Variants in CYFIP1 observed in about 807,000 individuals in gnomAD.
The protein encoded by CYFIP1 is cytoplasmic FMR1 interacting protein 1.
Under a neutral mutation model 163.5 loss-of-function variants are expected in CYFIP1, and 58 were observed. That is an observed-to-expected ratio of 0.35 (90% CI 0.29 to 0.44). The LOEUF (loss-of-function observed/expected upper bound fraction) is 0.44, where lower values mean the gene tolerates loss of function less well. Ranked by LOEUF, CYFIP1 falls within the 20% of genes least tolerant of loss-of-function variation. CYFIP1 has a pLI of 1.00. For synonymous variants in CYFIP1, 663 were observed against 660.7 expected (o/e 1.00, Z -0.05); for missense variants, 1,338 against 1,653.8 (o/e 0.81, Z 3.31).
chr15:22,903,780 C>T lies in CYFIP1; in HGVS notation c.2514G>A (p.Arg838=). 1 of 1,614,180 alleles carries T rather than the reference C, an allele frequency of 6.2e-7. No homozygotes were observed. Residue 838 remains arginine, a synonymous_variant, in exon 22 of 31, where the codon AGG becomes AGA. Coordinates refer to ENST00000617928, the MANE Select transcript of CYFIP1 (RefSeq NM_014608.6). ...ANHNVSAPYG[R]ITLHVFWELN... is the part of the protein sequence containing the mutation. ...GCTCCCAGAAGACGTGCAGGGTGAT[C>T]CTCCCGTAGGGCGCTGACACGTTGT...
At position 22,914,778 on chromosome 15, in the gene CYFIP1, G is replaced by A. The variant is rs2060911923; in HGVS notation, c.1933C>T (p.Pro645Ser). ...RIQFPIEMSMPWILTDHILET... is the reference protein window; with the variant it reads ...RIQFPIEMSMSWILTDHILET... ...AGGATGTGGTCCGTCAGGATCCAGG[G>A]CATCGACATCTCAATGGGGAACTGG... is the stretch of plus-strand genomic sequence containing the variant. The change falls in exon 17 of 31, where the codon CCC becomes TCC. Residue 645 changes from proline (P) to serine (S), a missense_variant. This residue lies in a region of CYFIP1 where 824 missense variants were observed against 995.7 expected (regional missense o/e 0.83). Transcript: ENST00000617928. 6.2e-7 allele frequency: 1 copy of A among 1,613,954 alleles called. No homozygotes were observed. The highest frequency in any genetic ancestry group is 1.3e-5 in the African/African-American group (1 of 75,002).
rs568190419 is a variant in CYFIP1, at chr15:22,897,181, C to G, written c.2589-4204G>C. Among the ~76,000 whole-genome samples the G allele has an allele frequency of 9.2e-5, 14 of 152,268 alleles. No individual in the cohort carries two copies. The East Asian group carries it at 1.9e-3, about 21-fold the overall frequency. On this transcript the variant is annotated intron_variant, in intron 22 of 30. Transcript: ENST00000617928. ...TGAGCCGAGATCACACTGTTACACTCTAGCCTGGGCAACAAGAGCAAAACT... is the reference window on the plus strand; with the variant it reads ...TGAGCCGAGATCACACTGTTACACTGTAGCCTGGGCAACAAGAGCAAAACT...
Position 22,926,007 on chromosome 15 carries a change from C to T in CYFIP1, c.1334G>A (p.Ser445Asn). ...YERATRYNYT[S>N]EEKFALVEVI... The stretch of plus-strand genomic sequence containing the variant: ...CTCCACTAGGGCAAACTTCTCCTCG[C>T]TGGTGTAGTTGTAGCGCGTGGCACG... Residue 445 changes from serine (S) to asparagine (N), a missense_variant, in exon 13 of 31, where the codon AGC becomes AAC. By Grantham distance (46) the Ser-to-Asn change is conservative (BLOSUM62 1). Transcript: ENST00000617928. 1.2e-6 allele frequency: 2 copies of T among 1,614,044 alleles called. No homozygotes were observed. Among genetic ancestry groups the T allele is most frequent in the Non-Finnish European group, 1.7e-6 (2 of 1,179,930 alleles).
At chr15:22,936,651 T>C (rs2142263674) in intron 9 of CYFIP1, among the ~76,000 whole-genome samples, 1 of 152,234 alleles carries the variant, frequency 6.6e-6, no homozygotes, top group Non-Finnish European at 1.5e-5. Flanking sequence ...CTCTCCTGGG[T>C]ATGCACCCAA....
upstream of CYFIP1, among the ~76,000 whole-genome samples, chr15:22,980,850 G>A (rs28679377): frequency 2.0e-5 from 3 of 151,716 alleles, no homozygotes; most frequent in Non-Finnish European, 4.4e-5. Flanking sequence ...TCGGCGCGCA[G>A]AGCCCGCTGG....
chr15:22,930,404 A>C (rs1372552525), intron 11 of CYFIP1, among the ~76,000 whole-genome samples: 1 of 151,642 alleles, frequency 6.6e-6, no homozygotes, highest in African/African-American at 2.4e-5. Flanking sequence ...AAAAAAAAAA[A>C]AAAAAAAACT....
In CYFIP1 at chr15:22,933,877, G is replaced by A. The variant is rs2061616991; in HGVS notation, c.917C>T (p.Pro306Leu). 6 of 1,610,524 alleles carry A rather than the reference G, an allele frequency of 3.7e-6. No homozygotes were observed. Among genetic ancestry groups the A allele is most frequent in the Non-Finnish European group, 5.1e-6 (6 of 1,178,160 alleles). Residue 306 changes from proline (P) to leucine (L), a missense_variant, in exon 10 of 31, where the codon CCG becomes CTG. Physicochemically the swap from Pro to Leu is moderately conservative, Grantham distance 98 (BLOSUM62 -3). Transcript: ENST00000617928. ...TTCTATTTGCATGTCCCCAAATAGC[G>A]GAACCACCTGGAGTTGCTGTATTCA... ...DKYFKQLQVVPLFGDMQIELA... is the reference protein window; with the variant it reads ...DKYFKQLQVVLLFGDMQIELA...
intron 13 of CYFIP1, among the ~76,000 whole-genome samples, chr15:22,919,216 T>C (rs998650675): frequency 6.6e-6 from 1 of 152,178 alleles, no homozygotes; most frequent in African/African-American, 2.4e-5. Flanking sequence ...CAAGAGGTTG[T>C]AGTCCAAATC....
At position 22,868,510 on chromosome 15, in the gene CYFIP1, G is replaced by C. The variant is rs561449240; in HGVS notation, c.*1518C>G. On this transcript the variant is annotated 3_prime_UTR_variant, in exon 31 of 31. Coordinates refer to ENST00000617928, the MANE Select transcript of CYFIP1 (RefSeq NM_014608.6). ...TTTCATCCTATTCTGTAGTTTCTAA[G>C]ATAAGCACAGCTACCACCTCTAAAT... 6.6e-6 allele frequency: 1 copy of C among 152,232 alleles called. No individual in the cohort carries two copies. The highest frequency in any genetic ancestry group is 2.1e-4 in the South Asian group (1 of 4,826). The allele number at this position is 152,232 out of a possible 1,614,324, so 9.4% of individuals were successfully genotyped here.
rs1032532987 is a variant in CYFIP1 at position 22,874,573 on chromosome 15, T to C, written c.3187A>G (p.Ile1063Val). Residue 1063 changes from isoleucine to valine, a missense_variant, in exon 28 of 31, where the codon ATT becomes GTT. Physicochemically the swap from Ile to Val is conservative, Grantham distance 29. This residue lies in a region of CYFIP1 where 306 missense variants were observed against 322.1 expected (regional missense o/e 0.95). Transcript: ENST00000617928. ...KYAPLHLVPL[I>V]ERLGTPQQIA... ...ACCTGAGGGGTCCCCAGTCTTTCAA[T>C]CAGTGGGACAAGATGCAGCGGGGCG... 3 of 1,606,022 alleles carry C rather than the reference T, an allele frequency of 1.9e-6. No homozygotes were observed. The highest frequency in any genetic ancestry group is 2.7e-5 in the African/African-American group (2 of 74,436).
intron 8 of CYFIP1, among the ~76,000 whole-genome samples, chr15:22,938,045 G>C (rs2061771972): frequency 6.6e-6 from 1 of 152,168 alleles, no homozygotes; most frequent in African/African-American, 2.4e-5. Context: ...GTGCTCCCCT[G>C]CTCAGGAGGA....
chr15:22,975,441 C>CAA (rs35556120), intron 1 of CYFIP1, among the ~76,000 whole-genome samples: 19,118 of 71,266 alleles, frequency 0.27, 2,939 homozygotes, highest in East Asian at 0.36. Flanking sequence ...GACTCCGTCT[C>CAA]AAAAAAAAAA....
rs890693436 is a variant in CYFIP1, at chr15:22,937,099, C to T, written c.900+5G>A. Reference sequence around the variant, plus strand: ...AAAACATTGATCTAAAAACATGTAACTCACCTTGAAGTACTTGTCGATTTT... The same window carrying T: ...AAAACATTGATCTAAAAACATGTAATTCACCTTGAAGTACTTGTCGATTTT... On this transcript the variant is annotated splice_donor_5th_base_variant and intron_variant, in intron 9 of 30. Coordinates refer to ENST00000617928, the MANE Select transcript of CYFIP1 (RefSeq NM_014608.6). 1 of 1,576,536 alleles carries T rather than the reference C, an allele frequency of 6.3e-7. No homozygotes were observed. Among genetic ancestry groups the T allele is most frequent in the African/African-American group, 1.3e-5 (1 of 74,274 alleles).
At chr15:22,950,233 C>A (rs2062203757) in intron 1 of CYFIP1, among the ~76,000 whole-genome samples, 2 of 152,128 alleles carry the variant, frequency 1.3e-5, no homozygotes, top group Non-Finnish European at 2.9e-5. Context: ...CTAACCCAAC[C>A]ATATGCCATC....
At chr15:22,880,818 T>C (rs2059739387) in intron 25 of CYFIP1, among the ~76,000 whole-genome samples, 1 of 152,134 alleles carries the variant, frequency 6.6e-6, no homozygotes, top group Non-Finnish European at 1.5e-5. Flanking sequence ...TCAGCACCGC[T>C]GCAGGGACTC....
At chr15:22,931,706 A>AAAAAAAAAAAAAAAAAAAT (rs2061543445) in intron 11 of CYFIP1, among the ~76,000 whole-genome samples, 1 of 150,098 alleles carries the variant, frequency 6.7e-6, no homozygotes, top group East Asian at 2.0e-4. Flanking sequence ...AAAAAAAAAA[A>AAAAAAAAAAAAAAAAAAAT]AAAAGCTTTT....
chr15:22,936,475 G>A (rs2061713409), intron 9 of CYFIP1, among the ~76,000 whole-genome samples: 1 of 152,132 alleles, frequency 6.6e-6, no homozygotes, highest in Non-Finnish European at 1.5e-5. Context: ...GCATCCTCAG[G>A]ATATCCCCCC....
intron 1 of CYFIP1, among the ~76,000 whole-genome samples, chr15:22,976,472 T>G (rs1367121693): frequency 6.7e-6 from 1 of 149,258 alleles, no homozygotes; most frequent in Non-Finnish European, 1.5e-5. Flanking sequence ...AACTTTCTAA[T>G]TGTACATTGC....
intron 11 of CYFIP1, among the ~76,000 whole-genome samples, chr15:22,929,792 C>T (rs1397767326): frequency 6.9e-6 from 1 of 145,568 alleles, no homozygotes; most frequent in South Asian, 2.2e-4. Context: ...AAAAATTAGC[C>T]GGGCGTGGTG....
Sources: allele counts gnomAD v4.1 joint callset (sites outside exome capture counted in the v4.1 genomes callset), GRCh38; gene constraint gnomAD v4.1.1; regional missense constraint gnomAD v4.1.1; transcripts MANE v1.5; gene names NCBI Gene and HGNC (gene_info 2026-07-23, HGNC 2026-07-21).